Variants in CCDC175 observed in about 807,000 individuals in gnomAD.
CCDC175 encodes the protein coiled-coil domain containing 175.
In CCDC175, 100 loss-of-function variants were observed where a neutral mutation model predicts 114.6. The observed-to-expected ratio is 0.87, with a 90% CI of 0.74 to 1.03. The LOEUF (loss-of-function observed/expected upper bound fraction) is 1.03, where lower values mean the gene tolerates loss of function less well. CCDC175 is among the 50% of genes least tolerant of loss of function. The pLI is 0.00. For synonymous variants in CCDC175, 306 were observed against 308.7 expected (o/e 0.99, Z 0.09); for missense variants, 880 against 917.8 (o/e 0.96, Z 0.53).
At chr14:59,530,701 C>T (rs1894020113) in intron 14 of CCDC175, among the ~76,000 whole-genome samples, 1 of 151,790 alleles carries the variant, frequency 6.6e-6, no homozygotes, top group Admixed American at 6.6e-5. Flanking sequence ...AATCACTATT[C>T]ACTTCTGAAT....
At chr14:59,556,821 T>C (rs1355837706) in intron 7 of CCDC175, among the ~76,000 whole-genome samples, 3 of 152,134 alleles carry the variant, frequency 2.0e-5, no homozygotes, top group South Asian at 4.1e-4. Context: ...GAACAGACAC[T>C]TCTCAAAAGA....
intron 10 of CCDC175, among the ~76,000 whole-genome samples, chr14:59,541,404 G>A (rs746952021): frequency 1.9e-4 from 29 of 152,096 alleles, no homozygotes; most frequent in Non-Finnish European, 4.0e-4. Context: ...CCCCAGCCCC[G>A]CCTTTTCCCT....
chr14:59,547,948 T>C (rs956837733), intron 8 of CCDC175, among the ~76,000 whole-genome samples: 3 of 152,180 alleles, frequency 2.0e-5, no homozygotes, highest in Admixed American at 6.5e-5. Flanking sequence ...ATGCCACTGC[T>C]GGGTATATAT....
chr14:59,573,740 G>A (rs1327550586), intron 2 of CCDC175, among the ~76,000 whole-genome samples: 1 of 151,432 alleles, frequency 6.6e-6, no homozygotes. Flanking sequence ...AGCCTCCCAA[G>A]TAGCTAGGAT....
intron 18 of CCDC175, among the ~76,000 whole-genome samples, chr14:59,511,350 ATCTGAC>A (rs754854211): frequency 1.3e-5 from 2 of 152,134 alleles, no homozygotes; most frequent in Non-Finnish European, 2.9e-5. Flanking sequence ...ACCCCAGCCT[ATCTGAC>A]TCTGAAGTGG....
At chr14:59,576,217 T>C (rs1473815501) in intron 1 of CCDC175, among the ~76,000 whole-genome samples, 3 of 152,206 alleles carry the variant, frequency 2.0e-5, no homozygotes, top group Non-Finnish European at 4.4e-5. Context: ...ATTTGCTTGT[T>C]AAATTCTCCA....
chr14:59,575,305 C>T (rs943305796), intron 1 of CCDC175, among the ~76,000 whole-genome samples: 10 of 150,668 alleles, frequency 6.6e-5, no homozygotes, highest in Non-Finnish European at 1.2e-4. Context: ...TTTTTTTTTC[C>T]TATGAAATAT....
chr14:59,561,120 G>C lies in CCDC175; in HGVS notation c.952C>G (p.Leu318Val), dbSNP rs766526064. 6.7e-7 allele frequency: 1 copy of C among 1,488,708 alleles called. No homozygotes were observed. The allele number at this position is 1,488,708 out of a possible 1,614,324, so 92.2% of individuals were successfully genotyped here. ...GTAAAAATAAAGCATTACACTTACA[G>C]TTTCGCCTCCAGAATTGCAAGGTCT... ...KKDLAILEAK[L>V]CFFTDNKEKL... is the part of the protein sequence containing the mutation. The change falls in exon 7 of 20, where the codon CTG becomes GTG. Residue 318 changes from leucine (L) to valine (V), a missense_variant and splice_region_variant. Transcript: ENST00000537690.
Position 59,563,728 on chromosome 14 carries a change from C to T in CCDC175, c.843+9G>A, listed in dbSNP as rs2140110580. On this transcript the variant is annotated intron_variant, in intron 6 of 19. Transcript: ENST00000537690. ...GGCTTAAAAATATATATAGTTTATT[C>T]TTTCTTACCGCTGCGGAAACAGTAA... 7.2e-7 allele frequency: 1 copy of T among 1,388,186 alleles called. No individual in the cohort carries two copies. Among genetic ancestry groups the T allele is most frequent in the Non-Finnish European group, 9.3e-7 (1 of 1,072,700 alleles). 86.0% of individuals were successfully genotyped at this position (1,388,186 alleles called of 1,614,324 possible).
chr14:59,511,814 G>A lies in CCDC175; in HGVS notation c.2099-11C>T. The A allele has an allele frequency of 6.6e-7, 1 of 1,521,404 alleles. No homozygotes were observed. Among genetic ancestry groups the A allele is most frequent in the Non-Finnish European group, 8.8e-7 (1 of 1,133,122 alleles). The allele number at this position is 1,521,404 out of a possible 1,614,324, so 94.2% of individuals were successfully genotyped here. Reference sequence around the variant, plus strand: ...AATCCTTATATTGTGCTAAAATAAAGATTTAAAAAATACAATGGTTACTGA... The same window carrying A: ...AATCCTTATATTGTGCTAAAATAAAAATTTAAAAAATACAATGGTTACTGA... On this transcript the variant is annotated splice_polypyrimidine_tract_variant and intron_variant, in intron 17 of 19. Coordinates refer to ENST00000537690, the MANE Select transcript of CCDC175 (RefSeq NM_001164399.2).
At chr14:59,518,628 A>G (rs1893247561) in intron 17 of CCDC175, among the ~76,000 whole-genome samples, 7 of 152,254 alleles carry the variant, frequency 4.6e-5, no homozygotes, top group Admixed American at 4.6e-4. Flanking sequence ...ATACCATCTC[A>G]CACCAGTTAG....
chr14:59,556,091 T>C (rs1344330591), intron 7 of CCDC175, among the ~76,000 whole-genome samples: 1 of 152,214 alleles, frequency 6.6e-6, no homozygotes, highest in African/African-American at 2.4e-5. Flanking sequence ...CCAGTGACTT[T>C]CTTCACAGAA....
At chr14:59,561,308 C>A in intron 6 of CCDC175, 80 bp from the exon 7 acceptor site, 1 of 642,760 alleles carries the variant, frequency 1.6e-6, no homozygotes, top group Non-Finnish European at 2.7e-6. Flanking sequence ...ACTCAATATT[C>A]ATGAATTACT....
intron 11 of CCDC175, 80 bp from the exon 12 acceptor site, chr14:59,538,920 A>C: frequency 7.6e-7 from 1 of 1,314,126 alleles, no homozygotes; most frequent in South Asian, 1.5e-5. Flanking sequence ...AAAGCAAAAC[A>C]AGTCATACTA....
At chr14:59,541,706 T>C (rs541129501) in intron 10 of CCDC175, among the ~76,000 whole-genome samples, 1 of 152,264 alleles carries the variant, frequency 6.6e-6, no homozygotes, top group Non-Finnish European at 1.5e-5. Context: ...CATAAAGAAC[T>C]TGAACCAGTT....
chr14:59,542,523 T>C (rs1039115002), intron 10 of CCDC175, among the ~76,000 whole-genome samples: 2 of 152,148 alleles, frequency 1.3e-5, no homozygotes, highest in African/African-American at 4.8e-5. Context: ...CTTCAAATAT[T>C]TGTAATATAG....
In CCDC175 at chr14:59,572,744, G is replaced by C; in HGVS notation, c.313C>G (p.Leu105Val). 1 of 1,519,810 alleles carries C rather than the reference G, an allele frequency of 6.6e-7. No individual in the cohort carries two copies. The highest frequency in any genetic ancestry group is 8.8e-7 in the Non-Finnish European group (1 of 1,142,510). The allele number at this position is 1,519,810 out of a possible 1,614,324, so 94.1% of individuals were successfully genotyped here. Residue 105 changes from leucine to valine, a missense_variant, in exon 3 of 20, where the codon CTA becomes GTA. Physicochemically the swap from Leu to Val is conservative, Grantham distance 32. Coordinates refer to ENST00000537690, the MANE Select transcript of CCDC175 (RefSeq NM_001164399.2). Reference protein sequence around the residue: ...ESMELNKLYYLLETLPNSIKR... With the variant: ...ESMELNKLYYVLETLPNSIKR... ...ATGCTATTGGGAAGAGTTTCCAATAGATAGTATAGTTTGTTGAGTTCCATG... is the reference window on the plus strand; with the variant it reads ...ATGCTATTGGGAAGAGTTTCCAATACATAGTATAGTTTGTTGAGTTCCATG...
Position 59,510,585 on chromosome 14 carries a change from C to A in CCDC175, c.2305+61G>T, listed in dbSNP as rs778832483. On this transcript the variant is annotated intron_variant, in intron 19 of 19. Coordinates refer to ENST00000537690, the MANE Select transcript of CCDC175 (RefSeq NM_001164399.2). The stretch of plus-strand genomic sequence containing the variant: ...CACGTTTTTTCTTCTTTTGATGTTA[C>A]CAGCTATATAGTAAAATAGCAGGAA... 6.7e-6 allele frequency: 10 copies of A among 1,486,364 alleles called. No individual in the cohort carries two copies. In the East Asian group the frequency reaches 2.5e-4, roughly 37 times the overall value. 92.1% of individuals were successfully genotyped at this position (1,486,364 alleles called of 1,614,324 possible).
Position 59,576,642 on chromosome 14 carries a change from G to A in CCDC175, c.134C>T (p.Ala45Val). Reference protein sequence around the residue: ...STLGSSVAVEALEQLFVVEQS... With the variant: ...STLGSSVAVEVLEQLFVVEQS... ...ACCCACAACAAACAGCTGCTCCAGC[G>A]CCTCGACCGCGACCGAGGAGCCCAG... is the stretch of plus-strand genomic sequence containing the variant. The change falls in exon 1 of 20, where the codon GCG (alanine) becomes GTG (valine). Residue 45 changes from alanine to valine, a missense_variant. Transcript: ENST00000537690. 1 of 1,472,132 alleles carries A rather than the reference G, an allele frequency of 6.8e-7. No individual in the cohort carries two copies. The highest frequency in any genetic ancestry group is 8.9e-7 in the Non-Finnish European group (1 of 1,119,576). 91.2% of individuals were successfully genotyped at this position (1,472,132 alleles called of 1,614,324 possible).
Sources: allele counts gnomAD v4.1 joint callset (sites outside exome capture counted in the v4.1 genomes callset), GRCh38; gene constraint gnomAD v4.1.1; transcripts MANE v1.5; gene names NCBI Gene and HGNC (gene_info 2026-07-23, HGNC 2026-07-21).